The following TMEM87A variants were observed in gnomAD, a reference collection of about 807,000 sequenced individuals.
TMEM87A encodes the protein transmembrane protein 87A, also known as Golgi-pH regulating cation channel.
A neutral mutation model predicts 90.0 loss-of-function variants in TMEM87A; 50 were observed. The observed-to-expected ratio is 0.56, with a 90% confidence interval of 0.44 to 0.70. The LOEUF is 0.70. Ranked by LOEUF, TMEM87A falls within the 30% of genes least tolerant of loss-of-function variation. The pLI is 0.00. For synonymous variants in TMEM87A, 226 were observed against 226.7 expected (o/e 1.00, Z 0.03); for missense variants, 577 against 660.5 (o/e 0.87, Z 1.39).
intron 4 of TMEM87A, among the ~76,000 whole-genome samples, chr15:42,263,484 C>G (rs2051336963): frequency 6.6e-6 from 1 of 152,132 alleles, no homozygotes; most frequent in African/African-American, 2.4e-5. Context: ...GTGGCTCACA[C>G]CTGTAATCCC....
At chr15:42,240,705 G>C (rs1275476786) in intron 7 of TMEM87A, among the ~76,000 whole-genome samples, 2 of 152,042 alleles carry the variant, frequency 1.3e-5, no homozygotes, top group Admixed American at 1.3e-4. Flanking sequence ...GACTTGAGTG[G>C]TGATCATCCC....
chr15:42,249,864 T>C (rs1178252661), intron 6 of TMEM87A, among the ~76,000 whole-genome samples: 1 of 152,176 alleles, frequency 6.6e-6, no homozygotes, highest in Non-Finnish European at 1.5e-5. Context: ...ATATTGACAG[T>C]GGGGTGTTAA....
In TMEM87A at chr15:42,264,273, A is replaced by T. The variant is rs538051923; in HGVS notation, c.292-70T>A. On this transcript the variant is annotated intron_variant, in intron 3 of 19. Coordinates refer to ENST00000389834, the MANE Select transcript of TMEM87A (RefSeq NM_015497.5). ...AATAAGATACTAAGAGCACAGCACA[A>T]CAAACAGTTCACCTGCAGTACAGAT... 3.8e-6 allele frequency: 4 copies of T among 1,055,678 alleles called. No individual in the cohort carries two copies. In the East Asian group the frequency reaches 9.5e-5, roughly 25 times the overall value. 65.4% of individuals were successfully genotyped at this position (1,055,678 alleles called of 1,614,324 possible). A position where few individuals can be genotyped will look rare whatever the true frequency, so the allele number is the denominator to read the frequency against.
chr15:42,266,028 G>A (rs2051396374), intron 3 of TMEM87A, among the ~76,000 whole-genome samples: 1 of 152,120 alleles, frequency 6.6e-6, no homozygotes, highest in Non-Finnish European at 1.5e-5. Context: ...TTGTAGGTGT[G>A]CGGCCTTATT....
intron 6 of TMEM87A, among the ~76,000 whole-genome samples, chr15:42,252,580 C>T (rs1466841791): frequency 6.6e-6 from 1 of 152,082 alleles, no homozygotes; most frequent in Non-Finnish European, 1.5e-5. Flanking sequence ...TCTCTTCTCC[C>T]TCTGATGAAT....
At chr15:42,236,468 A>G (rs991582039) in intron 9 of TMEM87A, 49 bp from the exon 10 acceptor site, 7 of 1,519,528 alleles carry the variant, frequency 4.6e-6, no homozygotes, top group Middle Eastern at 1.7e-4. Context: ...GTTTGGCAAC[A>G]GGCCAGATGC....
intron 17 of TMEM87A, 48 bp downstream of exon 17, chr15:42,219,533 T>C (rs778743199): frequency 2.1e-6 from 3 of 1,450,152 alleles, no homozygotes; most frequent in South Asian, 1.2e-5. Context: ...CTACTAAGGG[T>C]TGGAAGATGG....
intron 12 of TMEM87A, among the ~76,000 whole-genome samples, chr15:42,230,212 T>C (rs757587250): frequency 2.0e-5 from 3 of 152,322 alleles, no homozygotes; most frequent in East Asian, 3.9e-4. Flanking sequence ...TACCTAGTCA[T>C]TGGGTTATCT....
At chr15:42,243,313 TAAAAAAAA>T (rs777883580) in intron 7 of TMEM87A, among the ~76,000 whole-genome samples, 1 of 33,542 alleles carries the variant, frequency 3.0e-5, no homozygotes, top group African/African-American at 5.9e-5. Flanking sequence ...AATAAATAAA[TAAAAAAAA>T]AGAAAGCAGG....
At position 42,228,748 on chromosome 15, in the gene TMEM87A, G is replaced by A. The variant is rs1007043015; in HGVS notation, c.1204C>T (p.Arg402Trp). 9.3e-6 allele frequency: 15 copies of A among 1,610,020 alleles called. No individual in the cohort carries two copies. Among genetic ancestry groups the A allele is most frequent in the East Asian group, 2.2e-5 (1 of 44,834 alleles). Reference protein sequence around the residue: ...RRNIVKLSLYRHFTNTLILAV... With the variant: ...RRNIVKLSLYWHFTNTLILAV... ...AAAATAAGCGTGTTGGTGAAATGCC[G>A]ATACAAAGAGAGTTTTACAATGTTC... The change falls in exon 13 of 20, where the codon CGG becomes TGG. Residue 402 changes from arginine (R) to tryptophan (W), a missense_variant. Physicochemically the swap from Arg to Trp is moderately radical, Grantham distance 101. Transcript: ENST00000389834.
intron 11 of TMEM87A, among the ~76,000 whole-genome samples, chr15:42,231,569 A>G (rs2050686904): frequency 6.6e-6 from 1 of 152,224 alleles, no homozygotes. Flanking sequence ...TAATGTTTAT[A>G]AGCCCCATCC....
chr15:42,255,156 G>A (rs891566504), intron 6 of TMEM87A, among the ~76,000 whole-genome samples: 4 of 151,574 alleles, frequency 2.6e-5, no homozygotes, highest in Middle Eastern at 3.4e-3. Flanking sequence ...TTTTTAAGAC[G>A]GAGTTTTGCT....
chr15:42,232,724 C>T (rs775710613), intron 11 of TMEM87A, among the ~76,000 whole-genome samples: 2 of 151,874 alleles, frequency 1.3e-5, no homozygotes, highest in South Asian at 2.1e-4. Flanking sequence ...CCTAGTGATC[C>T]GCCTGCCTCG....
chr15:42,269,608 C>G (rs904721383), intron 2 of TMEM87A, among the ~76,000 whole-genome samples: 3 of 152,136 alleles, frequency 2.0e-5, no homozygotes, highest in African/African-American at 7.2e-5. Flanking sequence ...GTTTATGTTA[C>G]AAGACAATAT....
chr15:42,253,970 G>C (rs2051131582), intron 6 of TMEM87A, among the ~76,000 whole-genome samples: 2 of 152,198 alleles, frequency 1.3e-5, no homozygotes, highest in East Asian at 3.9e-4. Context: ...CAAAGTCTAG[G>C]ACATCTGACC....
chr15:42,231,150 G>A (rs1275531753), intron 12 of TMEM87A, 42 bp downstream of exon 12: 1 of 1,555,480 alleles, frequency 6.4e-7, no homozygotes, highest in African/African-American at 1.4e-5. Context: ...ATCTCAAGGG[G>A]AGAAAATGGA....
rs1291499424 is a variant in TMEM87A at position 42,244,670 on chromosome 15, T to C, written c.505-503A>G. Among the ~76,000 whole-genome samples, 4 of 149,180 alleles carry C rather than the reference T, an allele frequency of 2.7e-5. No individual in the cohort carries two copies. In the East Asian group the frequency reaches 8.3e-4, roughly 31 times the overall value. ...TGGTCTCACATTTATATCAAAAATTTAACCTTGAGCTAGTCTATGTGGTAA... is the reference window on the plus strand; with the variant it reads ...TGGTCTCACATTTATATCAAAAATTCAACCTTGAGCTAGTCTATGTGGTAA... On this transcript the variant is annotated intron_variant, in intron 6 of 19. Coordinates refer to ENST00000389834, the MANE Select transcript of TMEM87A (RefSeq NM_015497.5).
intron 19 of TMEM87A, among the ~76,000 whole-genome samples, chr15:42,212,187 C>A (rs2140904682): frequency 6.6e-6 from 1 of 152,150 alleles, no homozygotes; most frequent in South Asian, 2.1e-4. Context: ...TTTTACTACA[C>A]TTTTTAAAAA....
At chr15:42,254,467 A>C (rs2051140874) in intron 6 of TMEM87A, among the ~76,000 whole-genome samples, 1 of 152,244 alleles carries the variant, frequency 6.6e-6, no homozygotes, top group Non-Finnish European at 1.5e-5. Context: ...GATGTCCTTC[A>C]ATAGATGAAT....
Sources: gnomAD v4.1 joint callset for allele counts (sites outside exome capture counted in the v4.1 genomes callset) on GRCh38, gnomAD v4.1.1 for gene constraint, MANE v1.5 for transcripts, NCBI Gene and HGNC (gene_info 2026-07-23, HGNC 2026-07-21) for gene names.